The following CDH12 variants were observed in gnomAD, a reference collection of about 807,000 sequenced individuals.
The protein encoded by CDH12 is cadherin 12, also known as cadherin-12.
In CDH12, 41 loss-of-function variants were observed where a neutral mutation model predicts 74.1. The observed-to-expected ratio is 0.55, with a 90% CI of 0.43 to 0.72. The LOEUF (loss-of-function observed/expected upper bound fraction) is 0.72. CDH12 is among the 30% of genes least tolerant of loss of function. CDH12 has a pLI of 0.00. For missense variants in CDH12, 945 were observed against 977.2 expected, an observed-to-expected ratio of 0.97 and a Z score of 0.44; for synonymous variants, 399 against 355.0, an observed-to-expected ratio of 1.12 and a Z score of -1.39.
At chr5:22,006,089 C>G (rs1736939620) in intron 5 of CDH12, among the ~76,000 whole-genome samples, 1 of 152,204 alleles carries the variant, frequency 6.6e-6, no homozygotes, top group African/African-American at 2.4e-5. Context: ...GTCTCCTCAT[C>G]TGGCCCTCTT....
intron 3 of CDH12, among the ~76,000 whole-genome samples, chr5:22,251,844 A>T (rs1230678231): frequency 2.6e-5 from 4 of 152,096 alleles, no homozygotes; most frequent in African/African-American, 4.8e-5. Context: ...GAAGCTGAAC[A>T]TTGTCCAAGT....
rs113719410 is a variant in CDH12, at chr5:21,764,948, T to C, written c.1515+30A>G. On this transcript the variant is annotated intron_variant, in intron 12 of 14. Coordinates refer to ENST00000382254, the MANE Select transcript of CDH12 (RefSeq NM_004061.5). ...AAAACATGCATATGGTGGGTCTTTA[T>C]ACACTCAAGGAACAATATTTATAAG... 2.1e-3 allele frequency: 3,361 copies of C among 1,611,730 alleles called. 55 individuals are homozygous for C. The African/African-American group carries it at 0.038, about 18-fold the overall frequency.
chr5:22,675,313 C>G (rs1012789920), intron 1 of CDH12, among the ~76,000 whole-genome samples: 1 of 152,152 alleles, frequency 6.6e-6, no homozygotes, highest in African/African-American at 2.4e-5. Flanking sequence ...AAGCCCCAAG[C>G]CTTGGCAGCT....
At chr5:21,814,983 A>T (rs1216903380) in intron 9 of CDH12, among the ~76,000 whole-genome samples, 2 of 152,022 alleles carry the variant, frequency 1.3e-5, no homozygotes, top group South Asian at 4.1e-4. Flanking sequence ...TATTTTTCTA[A>T]CTGTACTTTG....
chr5:21,949,221 C>T lies in CDH12; in HGVS notation c.526+25870G>A, dbSNP rs932855740. Among the ~76,000 whole-genome samples, 54 of 152,036 alleles carry T rather than the reference C, an allele frequency of 3.6e-4. 1 individual carries two copies. Among genetic ancestry groups the T allele is most frequent in the African/African-American group, 1.2e-3 (51 of 41,486 alleles). ...CTTATTAAAAGAAATAGGCCCGAGG[C>T]GGGCAGATCACGAGGTCAGGAGATC... is the stretch of plus-strand genomic sequence containing the variant. On this transcript the variant is annotated intron_variant, in intron 6 of 14. Coordinates refer to ENST00000382254, the MANE Select transcript of CDH12 (RefSeq NM_004061.5).
At chr5:21,809,742 A>G (rs11742400) in intron 9 of CDH12, among the ~76,000 whole-genome samples, 88,300 of 152,038 alleles carry the variant, frequency 0.58, 28,544 homozygotes, top group Non-Finnish European at 0.72. Flanking sequence ...CATCTTATAT[A>G]TTTCAGGCAT....
intron 2 of CDH12, among the ~76,000 whole-genome samples, chr5:22,413,653 G>A (rs916144645): frequency 2.6e-5 from 4 of 151,976 alleles, no homozygotes; most frequent in African/African-American, 9.7e-5. Context: ...TATGGCATAT[G>A]GGCTTAAGGC....
intron 3 of CDH12, among the ~76,000 whole-genome samples, chr5:22,280,992 G>A (rs191671463): frequency 0.011 from 1,630 of 152,170 alleles, 19 homozygotes; most frequent in Non-Finnish European, 0.015. Context: ...CTGGCAAACC[G>A]AATCCAGCAG....
intron 1 of CDH12, among the ~76,000 whole-genome samples, chr5:22,531,139 ACC>A (rs899548366): frequency 2.6e-5 from 4 of 152,016 alleles, no homozygotes; most frequent in Non-Finnish European, 5.9e-5. Flanking sequence ...CCTCCCATGC[ACC>A]CCCAAAATGG....
intron 2 of CDH12, among the ~76,000 whole-genome samples, chr5:22,445,240 T>C (rs1420534031): frequency 1.3e-5 from 2 of 152,194 alleles, no homozygotes; most frequent in East Asian, 1.9e-4. Context: ...GGAAAATGGA[T>C]GGATACAGCC....
intron 3 of CDH12, among the ~76,000 whole-genome samples, chr5:22,254,512 T>C (rs1241669287): frequency 6.6e-6 from 1 of 151,908 alleles, no homozygotes; most frequent in East Asian, 1.9e-4. Context: ...TATTTCAAAG[T>C]GTACTCTGAG....
chr5:22,532,112 A>C (rs1417348106), intron 1 of CDH12, among the ~76,000 whole-genome samples: 1 of 151,522 alleles, frequency 6.6e-6, no homozygotes, highest in Non-Finnish European at 1.5e-5. Context: ...AGAAAATAGG[A>C]ATAGGAGAGA....
intron 5 of CDH12, among the ~76,000 whole-genome samples, chr5:22,070,255 G>C (rs1741855944): frequency 6.6e-6 from 1 of 152,110 alleles, no homozygotes; most frequent in Non-Finnish European, 1.5e-5. Context: ...AAAAAGGTTT[G>C]TGTATTTTCA....
chr5:22,253,956 G>C (rs1454807797), intron 3 of CDH12, among the ~76,000 whole-genome samples: 1 of 151,882 alleles, frequency 6.6e-6, no homozygotes, highest in Non-Finnish European at 1.5e-5. Context: ...ATATTTCAGT[G>C]TCTTTCACAA....
At position 22,284,111 on chromosome 5, in the gene CDH12, T is replaced by C. The variant is rs566570806; in HGVS notation, c.-332-71468A>G. ...AAGATTTTTCAAATAAAAACCTCGA[T>C]GTGACAGAGTATAAAAATATTCTCT... On this transcript the variant is annotated intron_variant, in intron 3 of 14. Coordinates refer to ENST00000382254, the MANE Select transcript of CDH12 (RefSeq NM_004061.5). Among the ~76,000 whole-genome samples, 24 of 152,266 alleles carry C rather than the reference T, an allele frequency of 1.6e-4. No homozygotes were observed. The South Asian group carries it at 3.3e-3, about 21-fold the overall frequency.
chr5:22,220,675 G>A (rs969119181), intron 3 of CDH12, among the ~76,000 whole-genome samples: 12 of 151,522 alleles, frequency 7.9e-5, no homozygotes, highest in African/African-American at 2.4e-4. Flanking sequence ...TATATACAAA[G>A]GAAGAGGAGG....
At chr5:22,580,507 CG>C in intron 1 of CDH12, 1 of 479,762 alleles carries the variant, frequency 2.1e-6, no homozygotes. Context: ...GAGAGTGAGC[CG>C]GGGACTTCAG....
intron 1 of CDH12, among the ~76,000 whole-genome samples, chr5:22,547,286 A>G (rs184630071): frequency 2.6e-4 from 40 of 152,296 alleles, no homozygotes; most frequent in African/African-American, 9.4e-4. Flanking sequence ...TTACATAATT[A>G]CATGTATGTT....
intron 5 of CDH12, among the ~76,000 whole-genome samples, chr5:21,985,581 TAC>T (rs931044996): frequency 9.2e-5 from 14 of 152,150 alleles, no homozygotes; most frequent in African/African-American, 3.4e-4. Context: ...TTTGTTTACT[TAC>T]ACACAGGGTT....
Sources: gnomAD v4.1 joint callset for allele counts (sites outside exome capture counted in the v4.1 genomes callset) on GRCh38, gnomAD v4.1.1 for gene constraint, MANE v1.5 for transcripts, NCBI Gene and HGNC (gene_info 2026-07-23, HGNC 2026-07-21) for gene names.